The following BIRC6 variants were observed in gnomAD, a reference collection of about 807,000 sequenced individuals.
BIRC6 encodes dual E2 ubiquitin-conjugating enzyme/E3 ubiquitin-protein ligase BIRC6.
Under a neutral mutation model 503.3 loss-of-function variants are expected in BIRC6, and 98 were observed. The ratio of observed to expected loss-of-function variants is 0.19; its 90% CI spans 0.17 to 0.23. The LOEUF is 0.23. BIRC6 is among the 10% of genes least tolerant of loss of function. The probability of loss-of-function intolerance (pLI) is 1.00; values close to 1 mark genes in which losing one functional copy is unlikely to be tolerated. For missense variants in BIRC6, 5,360 were observed against 5,806.0 expected, an observed-to-expected ratio of 0.92 and a Z score of 2.50; for synonymous variants, 2,240 against 2,078.7, an observed-to-expected ratio of 1.08 and a Z score of -2.11.
At chr2:32,403,097 C>G (rs893178330) in intron 8 of BIRC6, among the ~76,000 whole-genome samples, 3 of 152,158 alleles carry the variant, frequency 2.0e-5, no homozygotes, top group African/African-American at 7.2e-5. Context: ...ACAAATCATA[C>G]AAAAACATTA....
intron 37 of BIRC6, among the ~76,000 whole-genome samples, chr2:32,480,617 AT>A (rs1381534217): frequency 8.4e-6 from 1 of 119,750 alleles, no homozygotes; most frequent in Admixed American, 8.6e-5. Flanking sequence ...AATAAGGTAA[AT>A]GGCTTTTTTT....
chr2:32,372,182 G>A (rs1288924693), intron 1 of BIRC6, among the ~76,000 whole-genome samples: 13 of 151,716 alleles, frequency 8.6e-5, no homozygotes, highest in Non-Finnish European at 1.5e-5. Context: ...TATTTTTTGT[G>A]TACTTGTCAT....
rs138651989 is a variant in BIRC6, at chr2:32,562,405, A to G, written c.13145-12751A>G. Among the ~76,000 whole-genome samples, 1,159 of 152,336 alleles carry G rather than the reference A, an allele frequency of 7.6e-3. 17 individuals are homozygous for G. The highest frequency in any genetic ancestry group is 0.027 in the African/African-American group (1,112 of 41,572). On this transcript the variant is annotated intron_variant, in intron 65 of 73. Coordinates refer to ENST00000421745, the MANE Select transcript of BIRC6 (RefSeq NM_016252.4). Reference sequence around the variant, plus strand: ...CACAGTTTACTTATTCATATTTTGCATTAGTGTAGTACATATAATTGATGA... The same window carrying G: ...CACAGTTTACTTATTCATATTTTGCGTTAGTGTAGTACATATAATTGATGA...
At chr2:32,549,927 T>G (rs2058315906) in intron 65 of BIRC6, among the ~76,000 whole-genome samples, 1 of 152,194 alleles carries the variant, frequency 6.6e-6, no homozygotes, top group African/African-American at 2.4e-5. Flanking sequence ...ATTAATTTCT[T>G]AAAATTCAAT....
rs769895095 is a variant in BIRC6, at chr2:32,473,159, A to T, written c.6640A>T (p.Asn2214Tyr). The T allele has an allele frequency of 8.7e-5, 137 of 1,580,040 alleles. No individual in the cohort carries two copies. The highest frequency in any genetic ancestry group is 1.2e-4 in the Non-Finnish European group (135 of 1,159,950). The change falls in exon 33 of 74, where the codon AAT becomes TAT. Residue 2214 changes from asparagine to tyrosine, a missense_variant. Asn to Tyr is a moderately radical substitution (Grantham distance 143). Around this residue, in one of 16 missense-constraint regions of BIRC6, gnomAD observed 2,299 missense variants for 2,267.2 expected, o/e 1.01. Transcript: ENST00000421745. The stretch of plus-strand genomic sequence containing the variant: ...CAATAATCTACACACTCAGAGCTTA[A>T]ATAGATCTTCTAAAGGCAGCAGTAG... ...INNNLHTQSL[N>Y]RSSKGSSSLD...
At position 32,471,156 on chromosome 2, in the gene BIRC6, C is replaced by T. The variant is rs375720350; in HGVS notation, c.6592+32C>T. ...ACAGGGAGAGGTTTCTGACAGGTATCAGAAGTTTATAATAATATGTTGGTG... is the reference window on the plus strand; with the variant it reads ...ACAGGGAGAGGTTTCTGACAGGTATTAGAAGTTTATAATAATATGTTGGTG... On this transcript the variant is annotated intron_variant, in intron 32 of 73. Transcript: ENST00000421745. 2.6e-6 allele frequency: 4 copies of T among 1,548,690 alleles called. No homozygotes were observed. In the African/African-American group the frequency reaches 5.5e-5, roughly 21 times the overall value.
rs148984476 is a variant in BIRC6 at position 32,419,720 on chromosome 2, C to T, written c.2872+3557C>T. On this transcript the variant is annotated intron_variant, in intron 10 of 73. Coordinates refer to ENST00000421745, the MANE Select transcript of BIRC6 (RefSeq NM_016252.4). ...CTGAATATAAATATGACCCCAACAA[C>T]ATAAAGCCTATATACCTGTACTGAT... Among the ~76,000 whole-genome samples the T allele has an allele frequency of 1.1e-3, 160 of 152,282 alleles. No individual in the cohort carries two copies. The Middle Eastern group carries it at 0.027, about 26-fold the overall frequency.
chr2:32,383,987 T>C (rs1347097674), intron 3 of BIRC6, among the ~76,000 whole-genome samples: 3 of 152,202 alleles, frequency 2.0e-5, no homozygotes, highest in Admixed American at 1.3e-4. Context: ...GTTCCAGTCA[T>C]ACAAACTAGT....
intron 50 of BIRC6, among the ~76,000 whole-genome samples, chr2:32,507,520 A>G (rs2053934461): frequency 6.6e-6 from 1 of 152,262 alleles, no homozygotes; most frequent in Non-Finnish European, 1.5e-5. Flanking sequence ...ACAATCTAGT[A>G]GTAATAGAAT....
intron 35 of BIRC6, 135 bp from the exon 36 acceptor site, chr2:32,478,500 T>C: frequency 1.7e-6 from 1 of 585,956 alleles, no homozygotes; most frequent in African/African-American, 1.9e-5. Flanking sequence ...TCTCAAGCAA[T>C]TTTTTTTGAT....
chr2:32,420,507 A>G (rs1320095740), intron 10 of BIRC6, among the ~76,000 whole-genome samples: 1 of 151,886 alleles, frequency 6.6e-6, no homozygotes, highest in African/African-American at 2.4e-5. Flanking sequence ...CCCCACAATC[A>G]TTTTATTTAC....
chr2:32,577,888 C>G (rs566249985), intron 66 of BIRC6, among the ~76,000 whole-genome samples: 1 of 152,260 alleles, frequency 6.6e-6, no homozygotes, highest in East Asian at 1.9e-4. Flanking sequence ...GAACATTCTT[C>G]AGACTTATAA....
intron 66 of BIRC6, among the ~76,000 whole-genome samples, chr2:32,581,574 C>G (rs896203550): frequency 3.9e-5 from 6 of 152,092 alleles, no homozygotes; most frequent in African/African-American, 1.4e-4. Flanking sequence ...CTTCAAATTA[C>G]CCCCATAGCG....
chr2:32,481,676 G>A (rs1326024997), intron 38 of BIRC6, among the ~76,000 whole-genome samples: 1 of 151,848 alleles, frequency 6.6e-6, no homozygotes, highest in Non-Finnish European at 1.5e-5. Flanking sequence ...TGAGGCAGGA[G>A]AATGGCATGA....
chr2:32,509,194 C>T (rs544492722), intron 51 of BIRC6, among the ~76,000 whole-genome samples: 2 of 152,118 alleles, frequency 1.3e-5, no homozygotes, highest in East Asian at 3.9e-4. Flanking sequence ...TGGATGATTG[C>T]CTAAAAAAGC....
intron 38 of BIRC6, among the ~76,000 whole-genome samples, chr2:32,481,765 C>CA (rs55948579): frequency 3.6e-4 from 49 of 135,814 alleles, no homozygotes; most frequent in Non-Finnish European, 5.5e-4. Flanking sequence ...GACTCTGTCT[C>CA]AAAAAAAAAG....
At chr2:32,508,393 TAATACA>T in intron 51 of BIRC6, 134 bp downstream of exon 51, 2 of 1,194,258 alleles carry the variant, frequency 1.7e-6, no homozygotes, top group Non-Finnish European at 2.2e-6. Context: ...GGTATCTGTA[TAATACA>T]ATTTTATTAG....
At chr2:32,459,243 G>A (rs888995504) in intron 23 of BIRC6, among the ~76,000 whole-genome samples, 15 of 152,062 alleles carry the variant, frequency 9.9e-5, no homozygotes, top group African/African-American at 3.6e-4. Flanking sequence ...GTAGATTGGA[G>A]TTTCATCCAT....
intron 23 of BIRC6, among the ~76,000 whole-genome samples, chr2:32,459,546 G>A (rs1052960559): frequency 2.0e-5 from 3 of 151,964 alleles, no homozygotes; most frequent in African/African-American, 4.8e-5. Context: ...TTGAATTTTA[G>A]ATTTCATTTG....
Sources: gnomAD v4.1 joint callset for allele counts (sites outside exome capture counted in the v4.1 genomes callset) on GRCh38, gnomAD v4.1.1 for gene constraint, gnomAD v4.1.1 regional missense constraint, MANE v1.5 for transcripts, NCBI Gene and HGNC (gene_info 2026-07-23, HGNC 2026-07-21) for gene names.